The following RAB27B variants were observed in gnomAD, a reference collection of about 807,000 sequenced individuals.
RAB27B encodes the protein ras-related protein Rab-27B.
A neutral mutation model predicts 24.6 loss-of-function variants in RAB27B; 15 were observed. The observed-to-expected ratio is 0.61, with a 90% confidence interval of 0.41 to 0.94. The LOEUF is 0.94. RAB27B is among the 40% of genes least tolerant of loss of function. The probability of loss-of-function intolerance (pLI) is 0.00; values close to 1 mark genes in which losing one functional copy is unlikely to be tolerated. For missense variants in RAB27B, 261 were observed against 266.8 expected (o/e 0.98, Z 0.15); for synonymous variants, 105 against 92.5 (o/e 1.14, Z -0.78).
At chr18:54,839,748 T>C (rs900255354) in intron 1 of RAB27B, among the ~76,000 whole-genome samples, 6 of 152,200 alleles carry the variant, frequency 3.9e-5, no homozygotes, top group African/African-American at 1.4e-4. Context: ...ATCTGTTTGC[T>C]TTTTTAGCAG....
chr18:54,838,541 T>A (rs1274356222), intron 1 of RAB27B, among the ~76,000 whole-genome samples: 1 of 152,194 alleles, frequency 6.6e-6, no homozygotes, highest in African/African-American at 2.4e-5. Context: ...TGCCTACTTG[T>A]TCGATTGAGA....
At chr18:54,868,470 G>C (rs901550015) in intron 1 of RAB27B, among the ~76,000 whole-genome samples, 2 of 152,130 alleles carry the variant, frequency 1.3e-5, no homozygotes, top group African/African-American at 4.8e-5. Context: ...CCCAGTCTCA[G>C]ATATTTCTTT....
chr18:54,787,525 G>T (rs972715615), intron 2 of RAB27B, among the ~76,000 whole-genome samples: 4 of 152,106 alleles, frequency 2.6e-5, no homozygotes, highest in Admixed American at 1.3e-4. Context: ...TCAGAGAGAA[G>T]GCCTTATATC....
At chr18:54,796,148 C>G (rs772406257) in intron 2 of RAB27B, among the ~76,000 whole-genome samples, 2 of 152,092 alleles carry the variant, frequency 1.3e-5, no homozygotes, top group African/African-American at 2.4e-5. Flanking sequence ...TTTGGCTGCC[C>G]CACTCCTCAA....
intron 2 of RAB27B, among the ~76,000 whole-genome samples, chr18:54,728,900 A>AAAC (rs1909632756): frequency 2.7e-4 from 17 of 64,008 alleles, no homozygotes; most frequent in South Asian, 1.0e-3. Flanking sequence ...AAAAAAAAAA[A>AAAC]CCCAAAAAAA....
chr18:54,828,456 G>C (rs1568083626), upstream of RAB27B: 6 of 152,344 alleles, frequency 3.9e-5, no homozygotes, highest in Admixed American at 2.6e-4. Context: ...GGACTCCGAG[G>C]GTGGTGCCAC....
At chr18:54,731,726 A>G (rs1448103200) in intron 2 of RAB27B, among the ~76,000 whole-genome samples, 6 of 152,216 alleles carry the variant, frequency 3.9e-5, no homozygotes, top group African/African-American at 1.4e-4. Context: ...GTATACATAC[A>G]CATTCTTTTT....
intron 2 of RAB27B, among the ~76,000 whole-genome samples, chr18:54,734,161 C>T (rs1244205208): frequency 1.3e-5 from 2 of 152,062 alleles, no homozygotes; most frequent in African/African-American, 4.8e-5. Context: ...TCATTTAGTC[C>T]TGGTGATTAA....
chr18:54,752,225 C>A (rs1383580633), intron 2 of RAB27B, among the ~76,000 whole-genome samples: 1 of 152,110 alleles, frequency 6.6e-6, no homozygotes, highest in Non-Finnish European at 1.5e-5. Flanking sequence ...TATATGGGCA[C>A]TAACTGTCAC....
chr18:54,865,988 A>G (rs867709186), intron 1 of RAB27B, among the ~76,000 whole-genome samples: 3 of 152,220 alleles, frequency 2.0e-5, no homozygotes, highest in Non-Finnish European at 4.4e-5. Context: ...CCTAGCTGTA[A>G]CAGTAGCTAT....
At chr18:54,853,994 T>C (rs1911686236) in intron 1 of RAB27B, among the ~76,000 whole-genome samples, 1 of 152,190 alleles carries the variant, frequency 6.6e-6, no homozygotes, top group Non-Finnish European at 1.5e-5. Flanking sequence ...ATTCCTCCTT[T>C]ACTCCCCACC....
intron 2 of RAB27B, among the ~76,000 whole-genome samples, chr18:54,803,442 G>A (rs1247630880): frequency 1.3e-5 from 2 of 152,124 alleles, no homozygotes; most frequent in Non-Finnish European, 2.9e-5. Context: ...AGAACAAAAT[G>A]AGCAGTTTGC....
Position 54,780,129 on chromosome 18 carries a change from C to T in RAB27B, c.-20+61988C>T, listed in dbSNP as rs573273526. On this transcript the variant is annotated intron_variant, in intron 2 of 4. Transcript: ENST00000586570. ...CATCACCCTGTCTTCCCTCTCCTGA[C>T]GGCTTCCCCCTCACCCTGTCTCCCC... Among the ~76,000 whole-genome samples, 38 of 140,178 alleles carry T rather than the reference C, an allele frequency of 2.7e-4. 1 individual carries two copies. Among genetic ancestry groups the T allele is most frequent in the Non-Finnish European group, 3.1e-4 (20 of 64,780 alleles). The allele number at this position is 140,178 out of a possible 152,430, so 92.0% of individuals were successfully genotyped here. A position where few individuals can be genotyped will look rare whatever the true frequency, so the allele number is the denominator to read the frequency against.
intron 2 of RAB27B, chr18:54,745,086 G>A (rs940877898): frequency 1.3e-4 from 22 of 170,616 alleles, no homozygotes; most frequent in Non-Finnish European, 2.5e-4. Flanking sequence ...CCAGATCCAG[G>A]CAGCCTTCCA....
chr18:54,790,113 GA>G (rs1031756965), intron 2 of RAB27B, among the ~76,000 whole-genome samples: 5 of 151,168 alleles, frequency 3.3e-5, no homozygotes, highest in Non-Finnish European at 5.9e-5. Context: ...CCATTGTCAG[GA>G]AAAAAAAGAG....
chr18:54,801,008 G>GTTTTTTTTT (rs11363761), intron 2 of RAB27B, among the ~76,000 whole-genome samples: 3 of 93,094 alleles, frequency 3.2e-5, no homozygotes, highest in South Asian at 4.4e-4. Context: ...TTGTTCCTGT[G>GTTTTTTTTT]TTTTTTTTTT....
chr18:54,741,784 G>A (rs1440362424), intron 2 of RAB27B, among the ~76,000 whole-genome samples: 2 of 152,190 alleles, frequency 1.3e-5, no homozygotes, highest in African/African-American at 4.8e-5. Flanking sequence ...TTACAGGGGT[G>A]AACCACTGTA....
At chr18:54,853,033 G>T (rs1598962044) in intron 1 of RAB27B, among the ~76,000 whole-genome samples, 1 of 152,322 alleles carries the variant, frequency 6.6e-6, no homozygotes, top group East Asian at 1.9e-4. Context: ...GGTTCAGGGA[G>T]GAGAGTAGGA....
At chr18:54,850,688 T>G (rs1911547920) in intron 1 of RAB27B, among the ~76,000 whole-genome samples, 1 of 151,672 alleles carries the variant, frequency 6.6e-6, no homozygotes. Flanking sequence ...TTTTTGCCAG[T>G]GTGTCATGTT....
Sources: gnomAD v4.1 joint callset for allele counts (sites outside exome capture counted in the v4.1 genomes callset) on GRCh38, gnomAD v4.1.1 for gene constraint, MANE v1.5 for transcripts, NCBI Gene and HGNC (gene_info 2026-07-23, HGNC 2026-07-21) for gene names.